The following GPC4 variants were observed in gnomAD, a reference collection of about 807,000 sequenced individuals.
GPC4 encodes the protein glypican-4.
GPC4 carries 10 observed loss-of-function variants against 35.0 expected under a neutral mutation model. That is an observed-to-expected ratio of 0.29 (90% CI 0.18 to 0.48). The LOEUF is 0.48. Ranked by LOEUF, GPC4 falls within the 20% of genes least tolerant of loss-of-function variation. The probability of loss-of-function intolerance (pLI) is 0.99; values close to 1 mark genes in which losing one functional copy is unlikely to be tolerated. For synonymous variants in GPC4, 167 were observed against 170.2 expected, an observed-to-expected ratio of 0.98 and a Z score of 0.15; for missense variants, 322 against 451.3, an observed-to-expected ratio of 0.71 and a Z score of 2.60.
chrX:133,389,376 T>G (rs2068708980), intron 1 of GPC4, among the ~76,000 whole-genome samples: 2 of 112,011 alleles, frequency 1.8e-5, no homozygotes, highest in Non-Finnish European at 3.8e-5. Context: ...ATTTGATAAA[T>G]GCTTACAGAA....
intron 3 of GPC4, among the ~76,000 whole-genome samples, chrX:133,312,587 C>A (rs890732142): frequency 9.2e-6 from 1 of 108,180 alleles, no homozygotes; most frequent in Non-Finnish European, 1.9e-5. Flanking sequence ...CGAGATCTCA[C>A]CACTACACTC....
At chrX:133,328,461 CG>C (rs917024865) in intron 2 of GPC4, among the ~76,000 whole-genome samples, 1 of 111,718 alleles carries the variant, frequency 9.0e-6, no homozygotes, top group African/African-American at 3.3e-5. Flanking sequence ...ACTAGCAGCT[CG>C]CATGTTCTTG....
chrX:133,407,533 A>G (rs1055039003), intron 1 of GPC4, among the ~76,000 whole-genome samples: 1 of 111,754 alleles, frequency 8.9e-6, no homozygotes, highest in Admixed American at 9.5e-5. Context: ...TTTTTTCCAC[A>G]CAAAGAATCC....
Position 133,305,765 on chromosome X carries a change from C to T in GPC4, c.1155+7G>A, listed in dbSNP as rs772972003. On this transcript the variant is annotated splice_region_variant and intron_variant, in intron 6 of 8. Transcript: ENST00000370828. ...TTAAACACGGCCCTTCCTGCCAAAA[C>T]GCTCACCAGTCGGTCCAAACTAGTG... 2.3e-5 allele frequency: 28 copies of T among 1,208,677 alleles called. No homozygotes were observed. Among genetic ancestry groups the T allele is most frequent in the Non-Finnish European group, 2.7e-5 (24 of 894,919 alleles).
intron 1 of GPC4, among the ~76,000 whole-genome samples, chrX:133,413,661 T>G (rs1362561014): frequency 2.8e-5 from 3 of 105,544 alleles, no homozygotes; most frequent in Admixed American, 1.0e-4. Context: ...CTCTCACTCC[T>G]CCGTTAGATT....
At chrX:133,394,054 T>C (rs1002899411) in intron 1 of GPC4, among the ~76,000 whole-genome samples, 8 of 110,774 alleles carry the variant, frequency 7.2e-5, no homozygotes, top group Admixed American at 1.9e-4. Context: ...GCAGATAACT[T>C]GAGGTCAGGA....
chrX:133,343,162 T>C (rs996625096), intron 1 of GPC4, among the ~76,000 whole-genome samples: 1 of 111,830 alleles, frequency 8.9e-6, no homozygotes, highest in African/African-American at 3.3e-5. Context: ...TCCTTAAGAA[T>C]TGTTGTCAGA....
intron 1 of GPC4, among the ~76,000 whole-genome samples, chrX:133,388,041 C>T (rs2068700438): frequency 8.9e-6 from 1 of 111,921 alleles, no homozygotes; most frequent in Non-Finnish European, 1.9e-5. Context: ...CTCTTCTATG[C>T]CATAGATGAC....
chrX:133,362,257 G>C (rs1355153385), intron 1 of GPC4, among the ~76,000 whole-genome samples: 1 of 107,694 alleles, frequency 9.3e-6, no homozygotes, highest in Admixed American at 1.0e-4. Flanking sequence ...AGGAGAGGAA[G>C]GAAAAATACA....
At chrX:133,333,625 G>T (rs1309238616) in intron 2 of GPC4, among the ~76,000 whole-genome samples, 1 of 112,669 alleles carries the variant, frequency 8.9e-6, no homozygotes, top group Non-Finnish European at 1.9e-5. Context: ...CATATGGAAA[G>T]AAAAGAAAAT....
At chrX:133,330,642 T>C (rs1173161906) in intron 2 of GPC4, among the ~76,000 whole-genome samples, 1 of 111,388 alleles carries the variant, frequency 9.0e-6, no homozygotes, top group Non-Finnish European at 1.9e-5. Flanking sequence ...TATCAATTGA[T>C]AGCAAATCAA....
At chrX:133,348,472 G>A (rs2068502850) in intron 1 of GPC4, among the ~76,000 whole-genome samples, 1 of 112,508 alleles carries the variant, frequency 8.9e-6, no homozygotes, top group Non-Finnish European at 1.9e-5. Flanking sequence ...GCTAATAAAA[G>A]GCTCACAGAA....
chrX:133,329,647 C>T (rs925765600), intron 2 of GPC4, among the ~76,000 whole-genome samples: 1 of 111,015 alleles, frequency 9.0e-6, no homozygotes, highest in African/African-American at 3.3e-5. Flanking sequence ...CATACACACA[C>T]CACACACATA....
rs193131146 is a variant in GPC4, at chrX:133,334,120, G to A, written c.319+5063C>T. 5.5e-4 allele frequency among the ~76,000 whole-genome samples: 62 copies of A among 112,115 alleles called. No individual in the cohort carries two copies. In the South Asian group the frequency reaches 9.0e-3, roughly 16 times the overall value. ...TTAGCAGATAGCTCGCTTCCACTGA[G>A]GTCATGCCTTTCACGGGCATATAAA... On this transcript the variant is annotated intron_variant, in intron 2 of 8. Transcript: ENST00000370828.
chrX:133,315,036 G>C (rs911024898), intron 3 of GPC4, among the ~76,000 whole-genome samples: 1 of 109,351 alleles, frequency 9.1e-6, no homozygotes, highest in African/African-American at 3.3e-5. Context: ...CACCATGGAA[G>C]AAAAAGCTAC....
At chrX:133,324,076 T>A (rs1569343648) in intron 3 of GPC4, 69 bp downstream of exon 3, 1 of 1,097,045 alleles carries the variant, frequency 9.1e-7, no homozygotes, top group Non-Finnish European at 1.2e-6. Flanking sequence ...TTTCTACCTT[T>A]CCCAAACATT....
intron 2 of GPC4, 24 bp from the exon 3 acceptor site, chrX:133,324,560 A>G: frequency 9.1e-7 from 1 of 1,102,801 alleles, no homozygotes. Context: ...CAAAAAAAAA[A>G]AAAAAAAAAG....
chrX:133,390,601 C>T (rs2068715120), intron 1 of GPC4, among the ~76,000 whole-genome samples: 1 of 112,073 alleles, frequency 8.9e-6, no homozygotes, highest in South Asian at 3.7e-4. Context: ...GAGACAAAAA[C>T]CATTCAGAAA....
chrX:133,330,525 TG>T (rs1211759313), intron 2 of GPC4, among the ~76,000 whole-genome samples: 1 of 110,511 alleles, frequency 9.0e-6, no homozygotes, highest in Non-Finnish European at 1.9e-5. Flanking sequence ...TTTTTTTGTT[TG>T]TTTTTTTAAA....
Sources: allele counts gnomAD v4.1 joint callset (sites outside exome capture counted in the v4.1 genomes callset), GRCh38; gene constraint gnomAD v4.1.1; transcripts MANE v1.5; gene names NCBI Gene and HGNC (gene_info 2026-07-23, HGNC 2026-07-21).